HIBCH: variants seen among roughly 807,000 people sequenced by gnomAD.
HIBCH encodes the protein 3-hydroxyisobutyryl-CoA hydrolase.
A neutral mutation model predicts 58.2 loss-of-function variants in HIBCH; 50 were observed. The ratio of observed to expected loss-of-function variants is 0.86; its 90% CI spans 0.68 to 1.09. HIBCH has a LOEUF of 1.09. Among genes scored for constraint, HIBCH ranks in the 50% least tolerant of loss-of-function variants. The pLI, the probability that HIBCH is intolerant of heterozygous loss-of-function variation, is 0.00. For synonymous variants in HIBCH, 151 were observed against 146.9 expected, an observed-to-expected ratio of 1.03 and a Z score of -0.20; for missense variants, 450 against 449.7, an observed-to-expected ratio of 1.00 and a Z score of -0.01.
rs998245994 is a variant in HIBCH, at chr2:190,204,197, T to C, written c.*920A>G. On this transcript the variant is annotated 3_prime_UTR_variant, in exon 14 of 14. Transcript: ENST00000359678. ...CATTAACAATATCAATTATTGAATA[T>C]ATCTTTTGAACAAAAGTCTTCTTGC... 6.6e-6 allele frequency: 1 copy of C among 152,126 alleles called. No homozygotes were observed. Among genetic ancestry groups the C allele is most frequent in the Admixed American group, 6.5e-5 (1 of 15,278 alleles). The allele number at this position is 152,126 out of a possible 1,614,324, so 9.4% of individuals were successfully genotyped here.
intron 6 of HIBCH, among the ~76,000 whole-genome samples, chr2:190,263,956 G>A (rs565764064): frequency 6.6e-6 from 1 of 151,326 alleles, no homozygotes; most frequent in South Asian, 2.1e-4. Flanking sequence ...TCCCGGACTG[G>A]GCCACTTTTC....
intron 5 of HIBCH, among the ~76,000 whole-genome samples, chr2:190,290,034 G>A (rs1474082061): frequency 6.6e-6 from 1 of 151,880 alleles, no homozygotes; most frequent in Non-Finnish European, 1.5e-5. Flanking sequence ...ACTTGCCACC[G>A]CACCCAGCTG....
rs1236022341 is a variant in HIBCH at position 190,248,642 on chromosome 2, A to C, written c.750+998T>G. ...TTTGGGAAGCTGAGGAGGGTGGATC[A>C]TTTGAGGTCACAAGTTCAAAACCAG... On this transcript the variant is annotated intron_variant, in intron 9 of 13. Transcript: ENST00000359678. Among the ~76,000 whole-genome samples, 2 of 152,084 alleles carry C rather than the reference A, an allele frequency of 1.3e-5. 1 individual carries two copies. Among genetic ancestry groups the C allele is most frequent in the Non-Finnish European group, 2.9e-5 (2 of 68,002 alleles).
chr2:190,199,726 G>A (rs940983697), downstream of HIBCH: 3 of 1,486,074 alleles, frequency 2.0e-6, no homozygotes, highest in African/African-American at 2.8e-5. Context: ...AGTGGTGAAA[G>A]GGAACATTGA....
At chr2:190,232,132 T>C (rs914367522) in intron 11 of HIBCH, among the ~76,000 whole-genome samples, 5 of 151,992 alleles carry the variant, frequency 3.3e-5, no homozygotes, top group African/African-American at 4.8e-5. Context: ...GAGGTGGAGT[T>C]TGCAGTGAAC....
At chr2:190,248,606 A>G (rs942490708) in intron 9 of HIBCH, among the ~76,000 whole-genome samples, 1 of 152,176 alleles carries the variant, frequency 6.6e-6, no homozygotes, top group African/African-American at 2.4e-5. Context: ...TCATGGCTAT[A>G]ATCTCAGTAC....
At chr2:190,199,982 C>CAGTT, downstream of HIBCH, 2 of 1,614,090 alleles carry the variant, frequency 1.2e-6, no homozygotes, top group Non-Finnish European at 1.7e-6. Context: ...ATGGCTTCTC[C>CAGTT]AGTTAATGTC....
At chr2:190,297,565 C>A (rs1465721015) in intron 2 of HIBCH, among the ~76,000 whole-genome samples, 1 of 152,202 alleles carries the variant, frequency 6.6e-6, no homozygotes, top group African/African-American at 2.4e-5. Context: ...ATATGACATA[C>A]TTAATAATTG....
At chr2:190,233,695 A>G (rs1686179641) in intron 11 of HIBCH, among the ~76,000 whole-genome samples, 1 of 152,256 alleles carries the variant, frequency 6.6e-6, no homozygotes, top group African/African-American at 2.4e-5. Context: ...GAGGATTCCT[A>G]CAAATTAATC....
rs1291701122 is a variant in HIBCH, at chr2:190,211,071, T to A, written c.1011+1885A>T. 1.3e-5 allele frequency among the ~76,000 whole-genome samples: 2 copies of A among 152,216 alleles called. No individual in the cohort carries two copies. The highest frequency in any genetic ancestry group is 2.9e-5 in the Non-Finnish European group (2 of 68,038). On this transcript the variant is annotated intron_variant, in intron 12 of 13. Coordinates refer to ENST00000359678, the MANE Select transcript of HIBCH (RefSeq NM_014362.4). The surrounding 1 kb of genome is among the most constrained non-coding windows in gnomAD (Gnocchi z 5.0). ...TCCTACTCCCTACTCCCCAAGATAA[T>A]GATTTAAACTGTTTTCTGCCTTTTC...
intron 7 of HIBCH, among the ~76,000 whole-genome samples, chr2:190,256,147 T>C (rs1424900735): frequency 6.6e-6 from 1 of 152,142 alleles, no homozygotes; most frequent in Non-Finnish European, 1.5e-5. Flanking sequence ...AATCAGCTCC[T>C]ACCAGATCTC....
chr2:190,212,352 T>C (rs1690532812), intron 12 of HIBCH, among the ~76,000 whole-genome samples: 1 of 152,206 alleles, frequency 6.6e-6, no homozygotes, highest in Non-Finnish European at 1.5e-5. Context: ...CATATATTAG[T>C]CTAAATAATA....
rs568383012 is a variant in HIBCH at position 190,210,186 on chromosome 2, C to G, written c.1012-1273G>C. Among the ~76,000 whole-genome samples, 12 of 152,226 alleles carry G rather than the reference C, an allele frequency of 7.9e-5. No individual in the cohort carries two copies. Among genetic ancestry groups the G allele is most frequent in the Non-Finnish European group, 1.6e-4 (11 of 68,010 alleles). On this transcript the variant is annotated intron_variant, in intron 12 of 13. Coordinates refer to ENST00000359678, the MANE Select transcript of HIBCH (RefSeq NM_014362.4). The surrounding 1 kb of genome is among the most constrained non-coding windows in gnomAD (Gnocchi z 5.5). ...TTCTTCACATCCCATTTTTCCTCTC[C>G]AACTTACTACACTCTAACTTCTGCC...
At chr2:190,275,724 C>G (rs974742441) in intron 6 of HIBCH, among the ~76,000 whole-genome samples, 1 of 152,182 alleles carries the variant, frequency 6.6e-6, no homozygotes, top group Non-Finnish European at 1.5e-5. Context: ...AGACAATGTT[C>G]AAGATGCCCA....
At chr2:190,246,934 ACT>A (rs1037686389) in intron 9 of HIBCH, among the ~76,000 whole-genome samples, 5 of 151,770 alleles carry the variant, frequency 3.3e-5, no homozygotes, top group African/African-American at 1.2e-4. Flanking sequence ...AATTGGACTA[ACT>A]CTGAGTTAGT....
At chr2:190,314,207 C>G (rs1688631931) in intron 1 of HIBCH, among the ~76,000 whole-genome samples, 1 of 150,542 alleles carries the variant, frequency 6.6e-6, no homozygotes, top group South Asian at 2.1e-4. Context: ...TTAATGTAAA[C>G]CTATCAAACA....
At chr2:190,229,998 G>A (rs1686046091) in intron 11 of HIBCH, among the ~76,000 whole-genome samples, 1 of 152,154 alleles carries the variant, frequency 6.6e-6, no homozygotes, top group Admixed American at 6.5e-5. Flanking sequence ...AGCTTGTAAT[G>A]AAATCTCTCA....
At chr2:190,261,476 T>G (rs1687087105) in intron 6 of HIBCH, among the ~76,000 whole-genome samples, 1 of 152,140 alleles carries the variant, frequency 6.6e-6, no homozygotes, top group African/African-American at 2.4e-5. Flanking sequence ...CCCCCATTCT[T>G]GTCTGGTCAT....
At chr2:190,298,896 T>C (rs539243992) in intron 2 of HIBCH, among the ~76,000 whole-genome samples, 1 of 152,354 alleles carries the variant, frequency 6.6e-6, no homozygotes, top group East Asian at 1.9e-4. Flanking sequence ...TTTAAGTCTT[T>C]AATTCATCTT....
Sources: gnomAD v4.1 joint callset for allele counts (sites outside exome capture counted in the v4.1 genomes callset) on GRCh38, gnomAD v4.1.1 for gene constraint, Gnocchi (gnomAD v3.1) non-coding constraint, MANE v1.5 for transcripts, NCBI Gene and HGNC (gene_info 2026-07-23, HGNC 2026-07-21) for gene names.